The following PDE1A variants were observed in gnomAD, a reference collection of about 807,000 sequenced individuals.
PDE1A encodes the protein phosphodiesterase 1A.
PDE1A carries 35 observed loss-of-function variants against 61.7 expected under a neutral mutation model. The observed-to-expected ratio is 0.57, with a 90% CI of 0.43 to 0.75. The LOEUF is 0.75. PDE1A is among the 30% of genes least tolerant of loss of function. The pLI is 0.00. For missense variants in PDE1A, 597 were observed against 630.6 expected (o/e 0.95, Z 0.57); for synonymous variants, 232 against 213.2 (o/e 1.09, Z -0.77).
chr2:182,408,876 G>T (rs1227184041), intron 1 of PDE1A, among the ~76,000 whole-genome samples: 2 of 152,146 alleles, frequency 1.3e-5, no homozygotes, highest in African/African-American at 4.8e-5. Context: ...GGAAACTGGG[G>T]GATCAGCTAG....
At chr2:182,272,852 G>T (rs1240423909) in intron 1 of PDE1A, among the ~76,000 whole-genome samples, 1 of 152,076 alleles carries the variant, frequency 6.6e-6, no homozygotes, top group Non-Finnish European at 1.5e-5. Context: ...AGTTGTATGA[G>T]ATAGGAAACA....
intron 1 of PDE1A, among the ~76,000 whole-genome samples, chr2:182,273,842 G>A (rs1040029451): frequency 6.6e-6 from 1 of 152,060 alleles, no homozygotes; most frequent in Admixed American, 6.6e-5. Flanking sequence ...GCTGAGCAAA[G>A]CAATCTCAGC....
intron 1 of PDE1A, among the ~76,000 whole-genome samples, chr2:182,386,963 T>C (rs1034092974): frequency 1.3e-5 from 2 of 152,170 alleles, no homozygotes; most frequent in Admixed American, 6.5e-5. Context: ...CGACGGCGGT[T>C]TTGTGAAATA....
At chr2:182,479,687 C>A in intron 2 of PDE1A, among the ~76,000 whole-genome samples, 1 of 151,774 alleles carries the variant, frequency 6.6e-6, no homozygotes, top group East Asian at 1.9e-4. Context: ...GCATTTCAGT[C>A]TTTATCATAT....
chr2:182,527,548 C>A (rs560979610), upstream of PDE1A, among the ~76,000 whole-genome samples: 45 of 148,644 alleles, frequency 3.0e-4, no homozygotes, highest in African/African-American at 1.1e-3. Context: ...ACAGAGAGAC[C>A]CCATGTCAAA....
chr2:182,159,631 T>C (rs1691271515), intron 13 of PDE1A, among the ~76,000 whole-genome samples: 1 of 152,200 alleles, frequency 6.6e-6, no homozygotes, highest in Non-Finnish European at 1.5e-5. Context: ...TTCTATGAAA[T>C]ATCCATTCAG....
At chr2:182,646,391 C>CA in the PDE1A span, among the ~76,000 whole-genome samples, 54,785 of 106,970 alleles carry the variant, frequency 0.51, 12,941 homozygotes, top group Admixed American at 0.63. Context: ...GGTGAAGGTT[C>CA]AAAAAAAAAA....
chr2:182,391,483 T>C (rs1270644576), intron 1 of PDE1A, among the ~76,000 whole-genome samples: 1 of 152,210 alleles, frequency 6.6e-6, no homozygotes, highest in Admixed American at 6.5e-5. Flanking sequence ...GATTAGTCAC[T>C]TTAGACCTAC....
intron 13 of PDE1A, among the ~76,000 whole-genome samples, chr2:182,149,049 C>G (rs1690638693): frequency 6.6e-6 from 1 of 151,898 alleles, no homozygotes; most frequent in Admixed American, 6.6e-5. Context: ...TGACATTTAT[C>G]ATGTTAGAGT....
chr2:182,357,750 A>G (rs2125143736), intron 1 of PDE1A, among the ~76,000 whole-genome samples: 1 of 152,360 alleles, frequency 6.6e-6, no homozygotes, highest in Middle Eastern at 3.4e-3. Flanking sequence ...TGACTTCGTC[A>G]CCAATTCTGT....
intron 1 of PDE1A, among the ~76,000 whole-genome samples, chr2:182,335,994 C>A (rs1265599504): frequency 1.3e-5 from 2 of 152,074 alleles, no homozygotes; most frequent in Admixed American, 1.3e-4. Context: ...AGACATTTAT[C>A]TGGCCAACAA....
chr2:182,262,468 T>C (rs1692294562), intron 2 of PDE1A, among the ~76,000 whole-genome samples: 1 of 152,108 alleles, frequency 6.6e-6, no homozygotes, highest in Non-Finnish European at 1.5e-5. Flanking sequence ...GGTTTTGCTA[T>C]GTTGCACAGG....
At chr2:182,169,709 A>G (rs929395504) in intron 13 of PDE1A, among the ~76,000 whole-genome samples, 1 of 152,076 alleles carries the variant, frequency 6.6e-6, no homozygotes, top group Non-Finnish European at 1.5e-5. Context: ...AATTTAGTAA[A>G]GAGTACATCA....
upstream of PDE1A, chr2:182,522,855 T>C (rs1413713490): frequency 1.2e-5 from 2 of 166,110 alleles, no homozygotes; most frequent in Non-Finnish European, 2.5e-5. Flanking sequence ...AGGAAACAGA[T>C]GGTAGGAGCC....
chr2:182,402,459 A>C (rs1702062079), intron 1 of PDE1A, among the ~76,000 whole-genome samples: 1 of 152,236 alleles, frequency 6.6e-6, no homozygotes, highest in South Asian at 2.1e-4. Flanking sequence ...TATTGGGAAA[A>C]CTGGCTAGCC....
the PDE1A span, among the ~76,000 whole-genome samples, chr2:182,675,322 G>A: frequency 3.9e-5 from 6 of 152,212 alleles, no homozygotes; most frequent in South Asian, 2.1e-4. Flanking sequence ...ATTCTATGGT[G>A]TATATTTACC....
chr2:182,288,879 G>T (rs528666202), intron 1 of PDE1A, among the ~76,000 whole-genome samples: 2 of 152,164 alleles, frequency 1.3e-5, no homozygotes, highest in Non-Finnish European at 2.9e-5. Flanking sequence ...CAGAACTTCA[G>T]ATTTTGAAAG....
chr2:182,423,353 G>A (rs565707837), intron 1 of PDE1A, among the ~76,000 whole-genome samples: 1 of 152,110 alleles, frequency 6.6e-6, no homozygotes, highest in East Asian at 1.9e-4. Flanking sequence ...CTTTACTGTA[G>A]GAGCCCCAGA....
intron 1 of PDE1A, among the ~76,000 whole-genome samples, chr2:182,339,970 A>G (rs1022518612): frequency 1.3e-5 from 2 of 152,194 alleles, no homozygotes; most frequent in African/African-American, 4.8e-5. Flanking sequence ...AGATGTAAAT[A>G]TGCCTCAGAA....
Sources: allele counts gnomAD v4.1 joint callset (sites outside exome capture counted in the v4.1 genomes callset), GRCh38; gene constraint gnomAD v4.1.1; transcripts MANE v1.5; gene names NCBI Gene and HGNC (gene_info 2026-07-23, HGNC 2026-07-21).